EPHA6: variants seen among roughly 807,000 people sequenced by gnomAD.
EPHA6 encodes the protein ephrin type-A receptor 6.
In EPHA6, 50 loss-of-function variants were observed where a neutral mutation model predicts 112.0. The observed-to-expected ratio is 0.45, with a 90% CI of 0.36 to 0.56. The LOEUF (loss-of-function observed/expected upper bound fraction) is 0.56. Among genes scored for constraint, EPHA6 ranks in the 20% least tolerant of loss-of-function variants. The pLI is 0.00. For synonymous variants in EPHA6, 529 were observed against 490.7 expected (o/e 1.08, Z -1.03); for missense variants, 1,280 against 1,417.4 (o/e 0.90, Z 1.56).
intron 5 of EPHA6, among the ~76,000 whole-genome samples, chr3:97,401,667 T>C (rs1000806514): frequency 6.6e-6 from 1 of 151,820 alleles, no homozygotes; most frequent in African/African-American, 2.4e-5. Flanking sequence ...ATTTTGTTTA[T>C]TTCTGTTCTG....
intron 2 of EPHA6, among the ~76,000 whole-genome samples, chr3:96,962,442 CAAT>C (rs374790422): frequency 6.7e-6 from 1 of 150,128 alleles, no homozygotes; most frequent in Non-Finnish European, 1.5e-5. Context: ...GGAGGAATAA[CAAT>C]GATGATCTTC....
intron 3 of EPHA6, among the ~76,000 whole-genome samples, chr3:97,223,748 G>A (rs1055222798): frequency 6.6e-6 from 1 of 152,190 alleles, no homozygotes; most frequent in Non-Finnish European, 1.5e-5. Context: ...AACGGAGAAG[G>A]TGCAAGAAGG....
chr3:97,587,964 A>C (rs1028628503), intron 11 of EPHA6, among the ~76,000 whole-genome samples: 1 of 152,140 alleles, frequency 6.6e-6, no homozygotes, highest in Non-Finnish European at 1.5e-5. Context: ...TATTACTTAG[A>C]TAAGTGATCA....
At chr3:97,297,347 C>G (rs541102289) in intron 5 of EPHA6, among the ~76,000 whole-genome samples, 1 of 152,266 alleles carries the variant, frequency 6.6e-6, no homozygotes, top group Admixed American at 6.5e-5. Flanking sequence ...CTTACTTATT[C>G]ATTATTTTGA....
intron 3 of EPHA6, among the ~76,000 whole-genome samples, chr3:97,063,450 A>AG (rs1413313919): frequency 6.6e-6 from 1 of 152,190 alleles, no homozygotes; most frequent in Non-Finnish European, 1.5e-5. Flanking sequence ...CAAATGCAGG[A>AG]GCAGAAAACC....
intron 6 of EPHA6, among the ~76,000 whole-genome samples, chr3:97,422,423 C>A (rs1346957148): frequency 6.6e-6 from 1 of 152,064 alleles, no homozygotes; most frequent in African/African-American, 2.4e-5. Context: ...AATATATACA[C>A]CCCCAACACT....
chr3:97,285,783 T>G (rs1279312056), intron 5 of EPHA6, among the ~76,000 whole-genome samples: 2 of 152,068 alleles, frequency 1.3e-5, no homozygotes, highest in Admixed American at 6.6e-5. Context: ...TTAGTTTTAG[T>G]TTTTTGGTTT....
At chr3:97,587,447 A>G (rs1469970860) in intron 11 of EPHA6, among the ~76,000 whole-genome samples, 1 of 152,202 alleles carries the variant, frequency 6.6e-6, no homozygotes, top group Non-Finnish European at 1.5e-5. Flanking sequence ...AAATAAGGAC[A>G]AAATAAAAAT....
At chr3:96,908,285 G>T (rs183072913) in intron 2 of EPHA6, among the ~76,000 whole-genome samples, 1 of 152,026 alleles carries the variant, frequency 6.6e-6, no homozygotes, top group East Asian at 1.9e-4. Context: ...GGTCCATTTA[G>T]ACTTACTTAT....
intron 3 of EPHA6, among the ~76,000 whole-genome samples, chr3:97,175,733 T>G (rs2076818212): frequency 6.6e-6 from 1 of 151,964 alleles, no homozygotes; most frequent in South Asian, 2.1e-4. Context: ...TTTTGTCTGT[T>G]GAATTTGTAT....
intron 7 of EPHA6, among the ~76,000 whole-genome samples, chr3:97,464,936 A>C (rs2091007068): frequency 1.3e-5 from 2 of 152,124 alleles, no homozygotes; most frequent in African/African-American, 4.8e-5. Context: ...GTAGGATAGC[A>C]GAATTATTTG....
chr3:96,889,836 T>A (rs1405244813), intron 2 of EPHA6, among the ~76,000 whole-genome samples: 1 of 152,134 alleles, frequency 6.6e-6, no homozygotes, highest in Non-Finnish European at 1.5e-5. Context: ...ATAGACAAAT[T>A]TACTAGCAGG....
intron 2 of EPHA6, among the ~76,000 whole-genome samples, chr3:96,933,578 T>C (rs2040441139): frequency 6.6e-6 from 1 of 152,176 alleles, no homozygotes; most frequent in Non-Finnish European, 1.5e-5. Flanking sequence ...AGAATTCTCT[T>C]GTAATTGTAC....
chr3:96,825,541 A>G (rs2033594163), intron 1 of EPHA6, among the ~76,000 whole-genome samples: 1 of 151,820 alleles, frequency 6.6e-6, no homozygotes, highest in African/African-American at 2.4e-5. Context: ...AACTGTATTA[A>G]ATATTTGTTT....
rs2035769802 is a variant in EPHA6 at position 97,747,576 on chromosome 3, A to G, written c.3278+4A>G. On this transcript the variant is annotated splice_donor_region_variant and intron_variant, in intron 17 of 17. Transcript: ENST00000389672. ...TGATTTCAAGAATGAGCATTGAGTA[A>G]GTGATACTAGGTTTATTACTGTAAC... is the stretch of plus-strand genomic sequence containing the variant. The G allele has an allele frequency of 6.2e-7, 1 of 1,602,384 alleles. No individual in the cohort carries two copies. The highest frequency in any genetic ancestry group is 1.7e-5 in the Admixed American group (1 of 58,568).
At chr3:97,606,126 G>A (rs893768486) in intron 12 of EPHA6, 10 of 151,402 alleles carry the variant, frequency 6.6e-5, no homozygotes, top group South Asian at 6.2e-4. Flanking sequence ...AGGCATTAGC[G>A]CTTTATACTA....
intron 3 of EPHA6, among the ~76,000 whole-genome samples, chr3:97,086,434 T>C (rs1045064782): frequency 4.6e-5 from 7 of 152,112 alleles, no homozygotes; most frequent in Admixed American, 2.6e-4. Context: ...TTATGAAATA[T>C]GGAATTTTAA....
intron 1 of EPHA6, among the ~76,000 whole-genome samples, chr3:96,853,910 A>G (rs940001189): frequency 2.6e-5 from 4 of 151,910 alleles, no homozygotes; most frequent in Non-Finnish European, 5.9e-5. Context: ...GGACTTAGCT[A>G]TTCCCTCTCC....
At chr3:97,144,024 T>C (rs1313482416) in intron 3 of EPHA6, among the ~76,000 whole-genome samples, 1 of 151,790 alleles carries the variant, frequency 6.6e-6, no homozygotes, top group Non-Finnish European at 1.5e-5. Context: ...TAATGACCTT[T>C]GTGCAAGGTT....
Sources: gnomAD v4.1 joint callset for allele counts (sites outside exome capture counted in the v4.1 genomes callset) on GRCh38, gnomAD v4.1.1 for gene constraint, MANE v1.5 for transcripts, NCBI Gene and HGNC (gene_info 2026-07-23, HGNC 2026-07-21) for gene names.